Variants in PTGS1 observed in about 807,000 individuals in gnomAD.
PTGS1 encodes prostaglandin-endoperoxide synthase 1, also known as prostaglandin G/H synthase 1.
Under a neutral mutation model 63.0 loss-of-function variants are expected in PTGS1, and 40 were observed. That is an observed-to-expected ratio of 0.63 (90% CI 0.49 to 0.83). The LOEUF is 0.83. Ranked by LOEUF, PTGS1 falls within the 40% of genes least tolerant of loss-of-function variation. PTGS1 has a pLI of 0.00. For missense variants in PTGS1, 709 were observed against 786.5 expected, an observed-to-expected ratio of 0.90 and a Z score of 1.18; for synonymous variants, 298 against 301.9, an observed-to-expected ratio of 0.99 and a Z score of 0.13.
At chr9:122,380,227 G>T (rs901258883) in intron 5 of PTGS1, among the ~76,000 whole-genome samples, 3 of 152,112 alleles carry the variant, frequency 2.0e-5, no homozygotes, top group Admixed American at 6.5e-5. Flanking sequence ...ACTTTGGGAG[G>T]TTGGGGTGGG....
chr9:122,390,415 G>A (rs1838147553), intron 10 of PTGS1, 70 bp downstream of exon 10: 1 of 1,541,094 alleles, frequency 6.5e-7, no homozygotes, highest in Non-Finnish European at 8.9e-7. Flanking sequence ...GAGACATCAA[G>A]GAAATAGAAC....
chr9:122,375,201 T>A, intron 2 of PTGS1: 1 of 677,738 alleles, frequency 1.5e-6, no homozygotes, highest in Non-Finnish European at 1.8e-6. Flanking sequence ...GGAAAGAACG[T>A]GGCGGGGGAG....
intron 5 of PTGS1, among the ~76,000 whole-genome samples, 161 bp downstream of exon 5, chr9:122,379,079 G>C (rs922901760): frequency 3.3e-5 from 5 of 152,350 alleles, no homozygotes; most frequent in African/African-American, 1.2e-4. Flanking sequence ...GAACAGGCAA[G>C]GGCAGCAGAG....
chr9:122,395,553 G>A lies in PTGS1; in HGVS notation c.*3009G>A, dbSNP rs1187359022. The A allele has an allele frequency of 6.6e-6, 1 of 152,150 alleles. No individual in the cohort carries two copies. The highest frequency in any genetic ancestry group is 2.1e-4 in the South Asian group (1 of 4,832). 9.4% of individuals were successfully genotyped at this position (152,150 alleles called of 1,614,324 possible). Reference sequence around the variant, plus strand: ...AAAGGCCTCAAGAACAAACACTGCAGTTTCCTGGAAAAGAAGAAACTTTGC... The same window carrying A: ...AAAGGCCTCAAGAACAAACACTGCAATTTCCTGGAAAAGAAGAAACTTTGC... On this transcript the variant is annotated 3_prime_UTR_variant, in exon 11 of 11. Transcript: ENST00000362012.
chr9:122,385,902 G>T (rs1408765302), intron 8 of PTGS1, among the ~76,000 whole-genome samples: 1 of 152,128 alleles, frequency 6.6e-6, no homozygotes, highest in East Asian at 1.9e-4. Context: ...GGAGTAGCTG[G>T]TGCTCTTGTC....
In PTGS1 at chr9:122,381,455, A is replaced by G. The variant is rs756477134; in HGVS notation, c.581A>G (p.Asn194Ser). 5 of 1,613,956 alleles carry G rather than the reference A, an allele frequency of 3.1e-6. No individual in the cohort carries two copies. Among genetic ancestry groups the G allele is most frequent in the Non-Finnish European group, 3.4e-6 (4 of 1,180,006 alleles). The change falls in exon 6 of 11, where the codon AAC becomes AGC. Residue 194 changes from asparagine (N) to serine (S), a missense_variant. Transcript: ENST00000362012. Reference protein sequence around the residue: ...RKFIPDPQGTNLMFAFFAQHF... With the variant: ...RKFIPDPQGTSLMFAFFAQHF... ...TTCATACCTGACCCCCAAGGCACCA[A>G]CCTCATGTTTGCCTTCTTTGCACAA...
In PTGS1 at chr9:122,393,801, G is replaced by T. The variant is rs201629027; in HGVS notation, c.*1257G>T. 3 of 152,360 alleles carry T rather than the reference G, an allele frequency of 2.0e-5. No individual in the cohort carries two copies. Among genetic ancestry groups the T allele is most frequent in the East Asian group, 1.9e-4 (1 of 5,174 alleles). 9.4% of individuals were successfully genotyped at this position (152,360 alleles called of 1,614,324 possible). Reference sequence around the variant, plus strand: ...TTGTGCTCCTCTTGATTCCTGGTTTGACTCAGTTCCAGGCCTGATCTTGCC... The same window carrying T: ...TTGTGCTCCTCTTGATTCCTGGTTTTACTCAGTTCCAGGCCTGATCTTGCC... On this transcript the variant is annotated 3_prime_UTR_variant, in exon 11 of 11. Transcript: ENST00000362012.
upstream of PTGS1, chr9:122,370,986 G>T: frequency 6.6e-7 from 1 of 1,515,282 alleles, no homozygotes; most frequent in Non-Finnish European, 8.8e-7. Flanking sequence ...GGTGGAGCCG[G>T]GGGAAGGGTG....
chr9:122,377,364 C>T (rs1045517756), intron 2 of PTGS1, among the ~76,000 whole-genome samples: 9 of 152,088 alleles, frequency 5.9e-5, no homozygotes, highest in Admixed American at 5.2e-4. Context: ...TCTTCTCTAC[C>T]TTCTGCAGAA....
At position 122,386,688 on chromosome 9, in the gene PTGS1, G is replaced by C. The variant is rs1205896659; in HGVS notation, c.1252G>C (p.Val418Leu). Residue 418 changes from valine (V) to leucine (L), a missense_variant, in exon 9 of 11, where the codon GTT becomes CTT. Transcript: ENST00000362012. Reference sequence around the variant, plus strand: ...CACCTCCATGTTGGTGGACTATGGGGTTGAGGCCCTGGTGGATGCCTTCTC... The same window carrying C: ...CACCTCCATGTTGGTGGACTATGGGCTTGAGGCCCTGGTGGATGCCTTCTC... ...FNTSMLVDYG[V>L]EALVDAFSRQ... The C allele has an allele frequency of 6.2e-7, 1 of 1,614,098 alleles. No homozygotes were observed. Among genetic ancestry groups the C allele is most frequent in the Admixed American group, 1.7e-5 (1 of 60,008 alleles).
chr9:122,373,359 AG>A (rs1484822387), intron 2 of PTGS1, among the ~76,000 whole-genome samples: 1 of 152,204 alleles, frequency 6.6e-6, no homozygotes, highest in Non-Finnish European at 1.5e-5. Context: ...CATCTGCCCC[AG>A]GAAGCCAAAG....
intron 7 of PTGS1, among the ~76,000 whole-genome samples, chr9:122,382,580 ATAAAT>A (rs1367512167): frequency 2.0e-5 from 3 of 152,358 alleles, no homozygotes; most frequent in Non-Finnish European, 4.4e-5. Flanking sequence ...CCTAAATAAA[ATAAAT>A]TAAGTAACAT....
chr9:122,378,688 A>T, intron 4 of PTGS1, 87 bp from the exon 5 acceptor site: 1 of 1,601,400 alleles, frequency 6.2e-7, no homozygotes, highest in East Asian at 2.2e-5. Context: ...TGCCTGATAA[A>T]ATAAGCCCCA....
At chr9:122,389,605 T>A (rs12238505) in intron 9 of PTGS1, among the ~76,000 whole-genome samples, 31,955 of 152,026 alleles carry the variant, frequency 0.21, 7,298 homozygotes, top group African/African-American at 0.57. Context: ...AATTCAACGG[T>A]CTGGGGAGCA....
intron 8 of PTGS1, among the ~76,000 whole-genome samples, chr9:122,384,427 C>A (rs568373502): frequency 6.6e-6 from 1 of 152,170 alleles, no homozygotes; most frequent in South Asian, 2.1e-4. Flanking sequence ...TTCACTGGAG[C>A]CATGAAGAGC....
intron 2 of PTGS1, chr9:122,371,605 T>G: frequency 7.0e-7 from 1 of 1,430,406 alleles, no homozygotes; most frequent in South Asian, 1.5e-5. Context: ...CCCCGCTGTT[T>G]CCTATAGGGG....
chr9:122,377,928 C>T lies in PTGS1; in HGVS notation c.124C>T (p.His42Tyr). 1 of 1,614,110 alleles carries T rather than the reference C, an allele frequency of 6.2e-7. No homozygotes were observed. Among genetic ancestry groups the T allele is most frequent in the Non-Finnish European group, 8.5e-7 (1 of 1,180,014 alleles). ...TCCCTGTTGTTACTATCCATGCCAG[C>T]ACCAGGGCATCTGTGTCCGCTTCGG... ...VNPCCYYPCQHQGICVRFGLD... is the reference protein window; with the variant it reads ...VNPCCYYPCQYQGICVRFGLD... The change falls in exon 3 of 11, where the codon CAC becomes TAC. Residue 42 changes from histidine to tyrosine, a missense_variant. By Grantham distance (83) the His-to-Tyr change is moderately conservative. Coordinates refer to ENST00000362012, the MANE Select transcript of PTGS1 (RefSeq NM_000962.4).
chr9:122,380,443 C>A, intron 5 of PTGS1, among the ~76,000 whole-genome samples: 1 of 150,512 alleles, frequency 6.6e-6, no homozygotes. Context: ...CTGGCCTGGG[C>A]AATAGAGTGA....
At chr9:122,385,066 T>A (rs894898459) in intron 8 of PTGS1, among the ~76,000 whole-genome samples, 2 of 152,200 alleles carry the variant, frequency 1.3e-5, no homozygotes, top group African/African-American at 2.4e-5. Flanking sequence ...CGAGCAATTC[T>A]CGTGTCTCAG....
Sources: allele counts gnomAD v4.1 joint callset (sites outside exome capture counted in the v4.1 genomes callset), GRCh38; gene constraint gnomAD v4.1.1; transcripts MANE v1.5; gene names NCBI Gene and HGNC (gene_info 2026-07-23, HGNC 2026-07-21).